The following LY75 variants were observed in gnomAD, a reference collection of about 807,000 sequenced individuals.
LY75 encodes lymphocyte antigen 75.
Under a neutral mutation model 231.7 loss-of-function variants are expected in LY75, and 185 were observed. The ratio of observed to expected loss-of-function variants is 0.80; its 90% CI spans 0.71 to 0.90. The LOEUF (loss-of-function observed/expected upper bound fraction) is 0.90, where lower values mean the gene tolerates loss of function less well. LY75 is among the 40% of genes least tolerant of loss of function. LY75 has a pLI of 0.00. For missense variants in LY75, 1,947 were observed against 2,050.2 expected (o/e 0.95, Z 0.97); for synonymous variants, 668 against 689.0 (o/e 0.97, Z 0.48).
chr2:159,884,282 A>G (rs547515880), intron 6 of LY75, among the ~76,000 whole-genome samples: 2 of 152,294 alleles, frequency 1.3e-5, no homozygotes, highest in African/African-American at 4.8e-5. Flanking sequence ...AGTAGCATGA[A>G]AACGGATGAA....
intron 28 of LY75, among the ~76,000 whole-genome samples, chr2:159,824,653 G>T (rs1412914642): frequency 6.6e-6 from 1 of 152,142 alleles, no homozygotes; most frequent in East Asian, 1.9e-4. Context: ...CAAATCAATA[G>T]AATATACATT....
At chr2:159,831,881 T>A in intron 27 of LY75, 95 bp from the exon 28 acceptor site, 1 of 942,546 alleles carries the variant, frequency 1.1e-6, no homozygotes, top group Non-Finnish European at 1.5e-6. Flanking sequence ...CAGTTTAATA[T>A]ACTTCAAAAT....
intron 20 of LY75, 78 bp from the exon 21 acceptor site, chr2:159,852,418 T>A: frequency 4.8e-6 from 7 of 1,449,226 alleles, no homozygotes; most frequent in Non-Finnish European, 6.3e-6. Context: ...GTGTGTTTTT[T>A]TTTGTTTTTT....
At position 159,890,311 on chromosome 2, in the gene LY75, T is replaced by G; in HGVS notation, c.704A>C (p.Gln235Pro). 4 of 1,613,558 alleles carry G rather than the reference T, an allele frequency of 2.5e-6. No homozygotes were observed. Among genetic ancestry groups the G allele is most frequent in the Non-Finnish European group, 3.4e-6 (4 of 1,179,690 alleles). Residue 235 changes from glutamine (Q) to proline (P), a missense_variant, in exon 4 of 35, where the codon CAG becomes CCG. Physicochemically the swap from Gln to Pro is moderately conservative, Grantham distance 76. Coordinates refer to ENST00000263636, the MANE Select transcript of LY75 (RefSeq NM_002349.4). The stretch of plus-strand genomic sequence containing the variant: ...AGCTTCTTTCCAAGAAAGAGCCGTC[T>G]GAGTATTAAATTGGTAGCAACTTCC... Reference protein sequence around the residue: ...QFGSCYQFNTQTALSWKEAYV... With the variant: ...QFGSCYQFNTPTALSWKEAYV...
At chr2:159,845,448 G>A (rs1684171071) in intron 23 of LY75, among the ~76,000 whole-genome samples, 1 of 151,608 alleles carries the variant, frequency 6.6e-6, no homozygotes, top group Non-Finnish European at 1.5e-5. Flanking sequence ...TATATAATAT[G>A]TGTATGTGTG....
intron 4 of LY75, 120 bp from the exon 5 acceptor site, chr2:159,886,650 G>T (rs1685596139): frequency 7.1e-6 from 7 of 980,016 alleles, no homozygotes; most frequent in Non-Finnish European, 8.6e-6. Flanking sequence ...AGCAATCCCT[G>T]TAGAGGGCTG....
intron 13 of LY75, among the ~76,000 whole-genome samples, chr2:159,868,366 A>G (rs2125865216): frequency 6.6e-6 from 1 of 152,308 alleles, no homozygotes; most frequent in Non-Finnish European, 1.5e-5. Flanking sequence ...AGTACATTCT[A>G]TGGAAAATAG....
chr2:159,884,998 T>G (rs541911476), intron 6 of LY75, among the ~76,000 whole-genome samples, 155 bp downstream of exon 6: 22 of 152,290 alleles, frequency 1.4e-4, no homozygotes, highest in African/African-American at 5.1e-4. Flanking sequence ...GTTGATAATA[T>G]CTAACCACAG....
chr2:159,852,663 C>T (rs545184731), intron 20 of LY75, among the ~76,000 whole-genome samples: 48 of 152,294 alleles, frequency 3.2e-4, no homozygotes, highest in African/African-American at 8.9e-4. Context: ...AAGTGATTTG[C>T]CTGCCTCAGC....
Position 159,842,355 on chromosome 2 carries a change from C to A in LY75, c.3170G>T (p.Arg1057Leu). The A allele has an allele frequency of 4.3e-6, 7 of 1,609,776 alleles. No individual in the cohort carries two copies. Among genetic ancestry groups the A allele is most frequent in the Non-Finnish European group, 5.9e-6 (7 of 1,177,592 alleles). ...IPENFFEEES[R>L]YHCALILNLQ... ...GTTGAGTATTAGGGCACAGTGGTAG[C>A]GAGACTCTTCCTCAAAAAACTAAAC... is the stretch of plus-strand genomic sequence containing the variant. Residue 1057 changes from arginine to leucine, a missense_variant, in exon 24 of 35, where the codon CGC becomes CTC. By Grantham distance (102) the Arg-to-Leu change is moderately radical (BLOSUM62 -2). Coordinates refer to ENST00000263636, the MANE Select transcript of LY75 (RefSeq NM_002349.4).
At chr2:159,840,999 C>G in intron 24 of LY75, 44 bp from the exon 25 acceptor site, 1 of 1,601,400 alleles carries the variant, frequency 6.2e-7, no homozygotes. Flanking sequence ...CCCTTCCCCA[C>G]ACTCTGCAAG....
chr2:159,854,010 T>C (rs1371289245), intron 18 of LY75, among the ~76,000 whole-genome samples: 1 of 152,118 alleles, frequency 6.6e-6, no homozygotes, highest in African/African-American at 2.4e-5. Flanking sequence ...ACAGAAATTA[T>C]TTTTCTTCCC....
chr2:159,842,099 T>C (rs1015119846), intron 24 of LY75, 146 bp downstream of exon 24: 56 of 961,864 alleles, frequency 5.8e-5, no homozygotes, highest in Non-Finnish European at 7.5e-5. Context: ...CATGGTGTAT[T>C]GGACCCAGGT....
At chr2:159,896,188 C>A (rs375621302) in intron 2 of LY75, among the ~76,000 whole-genome samples, 2 of 152,208 alleles carry the variant, frequency 1.3e-5, no homozygotes, top group South Asian at 4.1e-4. Flanking sequence ...ATTTCCTCTG[C>A]GTGATTCACC....
intron 1 of LY75, chr2:159,902,971 G>A (rs1471603669): frequency 6.6e-6 from 1 of 152,240 alleles, no homozygotes; most frequent in Admixed American, 6.5e-5. Flanking sequence ...ATGTGACGAG[G>A]TGCATGCCAT....
At chr2:159,860,436 C>T (rs1020869427) in intron 15 of LY75, among the ~76,000 whole-genome samples, 10 of 152,176 alleles carry the variant, frequency 6.6e-5, no homozygotes, top group Admixed American at 3.9e-4. Context: ...ACCACTTTCT[C>T]ATACCATCCC....
rs115254354 is a variant in LY75, at chr2:159,878,679, C to A, written c.1558G>T (p.Asp520Tyr). The stretch of plus-strand genomic sequence containing the variant: ...CAGTTTGTTCCAAAAGGGACCTCAT[C>A]CTCATAAATCTTGTAACAGGTTTCT... Reference protein sequence around the residue: ...HGETCYKIYEDEVPFGTNCNL... With the variant: ...HGETCYKIYEYEVPFGTNCNL... The change falls in exon 10 of 35, where the codon GAT becomes TAT. Residue 520 changes from aspartate to tyrosine, a missense_variant. Physicochemically the swap from Asp to Tyr is radical, Grantham distance 160. Coordinates refer to ENST00000263636, the MANE Select transcript of LY75 (RefSeq NM_002349.4). 1.9e-3 allele frequency: 3,136 copies of A among 1,613,968 alleles called. 44 individuals carry two copies. The African/African-American group carries it at 0.038, about 19-fold the overall frequency.
chr2:159,828,636 C>A (rs1370757567), intron 28 of LY75, among the ~76,000 whole-genome samples: 1 of 152,106 alleles, frequency 6.6e-6, no homozygotes, highest in East Asian at 1.9e-4. Flanking sequence ...CAGGGGTTTA[C>A]CCAAGAGAAA....
intron 27 of LY75, 145 bp downstream of exon 27, chr2:159,833,899 G>A (rs1437684105): frequency 1.2e-6 from 1 of 852,966 alleles, no homozygotes; most frequent in African/African-American, 1.8e-5. Flanking sequence ...ACATGTCTTT[G>A]CTTCTCCTTT....
Sources: gnomAD v4.1 joint callset for allele counts (sites outside exome capture counted in the v4.1 genomes callset) on GRCh38, gnomAD v4.1.1 for gene constraint, MANE v1.5 for transcripts, NCBI Gene and HGNC (gene_info 2026-07-23, HGNC 2026-07-21) for gene names.